Variants in CFAP43 observed in about 807,000 individuals in gnomAD.
CFAP43 encodes the protein cilia- and flagella-associated protein 43.
Under a neutral mutation model 218.9 loss-of-function variants are expected in CFAP43, and 155 were observed. That is an observed-to-expected ratio of 0.71 (90% confidence interval 0.62 to 0.81). CFAP43 has a LOEUF of 0.81. Among genes scored for constraint, CFAP43 ranks in the 30% least tolerant of loss-of-function variants. The pLI, the probability that CFAP43 is intolerant of heterozygous loss-of-function variation, is 0.00. For missense variants in CFAP43, 1,778 were observed against 1,954.3 expected, an observed-to-expected ratio of 0.91 and a Z score of 1.70; for synonymous variants, 645 against 681.3, an observed-to-expected ratio of 0.95 and a Z score of 0.83.
chr10:104,183,895 T>C (rs1165873821), intron 16 of CFAP43, among the ~76,000 whole-genome samples: 4 of 152,208 alleles, frequency 2.6e-5, no homozygotes, highest in Non-Finnish European at 2.9e-5. Flanking sequence ...CAGAATCCCA[T>C]GTATAAAATG....
At chr10:104,211,951 C>T in intron 5 of CFAP43, 56 bp downstream of exon 5, 2 of 1,561,530 alleles carry the variant, frequency 1.3e-6, no homozygotes, top group East Asian at 2.3e-5. Flanking sequence ...CAAATGAGAT[C>T]AGGCTTCCTA....
intron 28 of CFAP43, among the ~76,000 whole-genome samples, chr10:104,151,513 T>A (rs2088255788): frequency 6.6e-6 from 1 of 152,224 alleles, no homozygotes; most frequent in Non-Finnish European, 1.5e-5. Flanking sequence ...TGATGAGCTT[T>A]TTTTCATATG....
chr10:104,194,438 G>C (rs976507654), intron 10 of CFAP43, among the ~76,000 whole-genome samples: 1 of 151,884 alleles, frequency 6.6e-6, no homozygotes, highest in Non-Finnish European at 1.5e-5. Context: ...ATTAGCGATG[G>C]GGTCTTCCTC....
Position 104,202,331 on chromosome 10 carries a change from A to G in CFAP43, c.1095+1341T>C, listed in dbSNP as rs12416249. On this transcript the variant is annotated intron_variant, in intron 8 of 37. Coordinates refer to ENST00000357060, the MANE Select transcript of CFAP43 (RefSeq NM_025145.7). ...AAATTTTCTCTGTCTTTGGTTTTCA[A>G]CAGTTTCACTCTGGTAAGTCTAAGT... Among the ~76,000 whole-genome samples the G allele has an allele frequency of 4.5e-3, 692 of 152,282 alleles. 20 individuals are homozygous for G. Among genetic ancestry groups the G allele is most frequent in the Admixed American group, 0.039 (604 of 15,296 alleles).
At chr10:104,217,943 A>G (rs1439586967) in intron 3 of CFAP43, among the ~76,000 whole-genome samples, 1 of 152,260 alleles carries the variant, frequency 6.6e-6, no homozygotes, top group Non-Finnish European at 1.5e-5. Flanking sequence ...AAATGAAAGC[A>G]TGTTCGAGTT....
rs1051164257 is a variant in CFAP43, at chr10:104,161,043, A to G, written c.3534T>C (p.Tyr1178=). Residue 1178 remains tyrosine (Y), a synonymous_variant, in exon 27 of 38, where the codon TAT becomes TAC. Coordinates refer to ENST00000357060, the MANE Select transcript of CFAP43 (RefSeq NM_025145.7). ...VKELNEERDK[Y]RKSLEAELKK... is the part of the protein sequence containing the mutation. ...AATTATTTGCTCTTCTGACCTTTCT[A>G]TACTTATCTCTTTCTTCATTTAACT... is the stretch of plus-strand genomic sequence containing the variant. 6.2e-7 allele frequency: 1 copy of G among 1,606,940 alleles called. No individual in the cohort carries two copies. The highest frequency in any genetic ancestry group is 8.5e-7 in the Non-Finnish European group (1 of 1,174,384).
intron 19 of CFAP43, among the ~76,000 whole-genome samples, chr10:104,172,927 G>A (rs896181560): frequency 6.6e-6 from 1 of 152,056 alleles, no homozygotes; most frequent in Non-Finnish European, 1.5e-5. Flanking sequence ...ATCAGGGGAG[G>A]GGTAATGGAT....
intron 20 of CFAP43, among the ~76,000 whole-genome samples, chr10:104,170,209 T>A (rs12570506): frequency 0.24 from 37,001 of 151,108 alleles, 5,307 homozygotes; most frequent in African/African-American, 0.4. Context: ...GAAAAAAAAA[T>A]AAACAATATG....
chr10:104,226,546 T>C (rs1045159098), intron 2 of CFAP43, among the ~76,000 whole-genome samples: 3 of 151,226 alleles, frequency 2.0e-5, no homozygotes, highest in Non-Finnish European at 2.9e-5. Context: ...TTAGAAAATA[T>C]GGTATTTGAA....
At chr10:104,200,618 C>A (rs1323082533) in intron 8 of CFAP43, among the ~76,000 whole-genome samples, 1 of 149,234 alleles carries the variant, frequency 6.7e-6, no homozygotes, top group African/African-American at 2.5e-5. Flanking sequence ...TTGCAGTGAG[C>A]CCAGATCGCA....
chr10:104,207,672 C>A lies in CFAP43; in HGVS notation c.888G>T (p.Ser296=). 6.2e-7 allele frequency: 1 copy of A among 1,612,336 alleles called. No individual in the cohort carries two copies. Among genetic ancestry groups the A allele is most frequent in the South Asian group, 1.1e-5 (1 of 90,698 alleles). ...VTVLNKIEEE[S]PLDRRNFISP... is the part of the protein sequence containing the mutation. Reference sequence around the variant, plus strand: ...AGTAGGACAGTTTCTTACCCAATGGCGATTCCTCTTCTATCTTATTAAGTA... The same window carrying A: ...AGTAGGACAGTTTCTTACCCAATGGAGATTCCTCTTCTATCTTATTAAGTA... Residue 296 remains serine, a synonymous_variant, in exon 6 of 38, where the codon TCG becomes TCT. Coordinates refer to ENST00000357060, the MANE Select transcript of CFAP43 (RefSeq NM_025145.7).
Position 104,142,297 on chromosome 10 carries a change from A to G in CFAP43, c.4255T>C (p.Phe1419Leu). 1 of 1,612,992 alleles carries G rather than the reference A, an allele frequency of 6.2e-7. No homozygotes were observed. The highest frequency in any genetic ancestry group is 8.5e-7 in the Non-Finnish European group (1 of 1,179,430). The change falls in exon 33 of 38, where the codon TTC becomes CTC. Residue 1419 changes from phenylalanine (F) to leucine (L), a missense_variant. Around this residue, in one of 3 missense-constraint regions of CFAP43, gnomAD observed 1,553 missense variants for 1,685.2 expected, o/e 0.92. Coordinates refer to ENST00000357060, the MANE Select transcript of CFAP43 (RefSeq NM_025145.7). ...EKVQQEIERVFHELILLQEEK... is the reference protein window; with the variant it reads ...EKVQQEIERVLHELILLQEEK... ...TCAAATTACAGGATGAGTTCATGGAACACTCTCTCAATCTCCTGTTGCACC... is the reference window on the plus strand; with the variant it reads ...TCAAATTACAGGATGAGTTCATGGAGCACTCTCTCAATCTCCTGTTGCACC...
chr10:104,179,164 A>G (rs555052001), intron 18 of CFAP43, 58 bp from the exon 19 acceptor site: 14 of 1,359,706 alleles, frequency 1.0e-5, no homozygotes, highest in Non-Finnish European at 1.4e-5. Context: ...ACAGAGAGAG[A>G]GAGAGAGAGA....
Position 104,232,080 on chromosome 10 carries a change from G to T in CFAP43, c.65+102C>A, listed in dbSNP as rs1030904691. The stretch of plus-strand genomic sequence containing the variant: ...AGAGGGGAAGAGGTCGAAGCTGCGG[G>T]GAAAGCCGCCCTAAGGAACCGGAGG... On this transcript the variant is annotated intron_variant, in intron 1 of 37. Coordinates refer to ENST00000357060, the MANE Select transcript of CFAP43 (RefSeq NM_025145.7). 3.6e-6 allele frequency: 5 copies of T among 1,385,340 alleles called. No homozygotes were observed. The African/African-American group carries it at 5.8e-5, about 16-fold the overall frequency. 85.8% of individuals were successfully genotyped at this position (1,385,340 alleles called of 1,614,324 possible). A position where few individuals can be genotyped will look rare whatever the true frequency, so the allele number is the denominator to read the frequency against.
At chr10:104,181,959 A>G (rs1019591189) in intron 17 of CFAP43, among the ~76,000 whole-genome samples, 1 of 152,202 alleles carries the variant, frequency 6.6e-6, no homozygotes, top group Non-Finnish European at 1.5e-5. Context: ...GTTCATGGCT[A>G]TATCCCCCAC....
chr10:104,142,223 C>T, intron 33 of CFAP43, 58 bp downstream of exon 33: 2 of 1,432,320 alleles, frequency 1.4e-6, no homozygotes, highest in South Asian at 2.5e-5. Flanking sequence ...ATAACACAAC[C>T]TGATTTAGCC....
At chr10:104,218,779 G>A (rs368392667) in intron 3 of CFAP43, 15 of 548,798 alleles carry the variant, frequency 2.7e-5, no homozygotes, top group African/African-American at 9.6e-5. Context: ...AAAATACACC[G>A]GTGGTTTAGG....
At chr10:104,164,050 G>T (rs1189886316) in intron 24 of CFAP43, 44 bp downstream of exon 24, 3 of 1,594,898 alleles carry the variant, frequency 1.9e-6, no homozygotes, top group South Asian at 1.1e-5. Context: ...GCTGGGGAAA[G>T]TCTCCTGAGA....
chr10:104,217,056 C>CA, intron 3 of CFAP43, among the ~76,000 whole-genome samples: 1 of 152,156 alleles, frequency 6.6e-6, no homozygotes, highest in East Asian at 1.9e-4. Context: ...TAATTATTCC[C>CA]AAATGTTTAT....
Sources: allele counts gnomAD v4.1 joint callset (sites outside exome capture counted in the v4.1 genomes callset), GRCh38; gene constraint gnomAD v4.1.1; regional missense constraint gnomAD v4.1.1; transcripts MANE v1.5; gene names NCBI Gene and HGNC (gene_info 2026-07-23, HGNC 2026-07-21).